Variants in NFKB1 observed in about 807,000 individuals in gnomAD.
NFKB1 encodes nuclear factor NF-kappa-B p105 subunit.
Under a neutral mutation model 105.1 loss-of-function variants are expected in NFKB1, and 9 were observed. The ratio of observed to expected loss-of-function variants is 0.09; its 90% CI spans 0.05 to 0.15. The LOEUF (loss-of-function observed/expected upper bound fraction) is 0.15, where lower values mean the gene tolerates loss of function less well. Among genes scored for constraint, NFKB1 ranks in the 10% least tolerant of loss-of-function variants. The pLI is 1.00. For synonymous variants in NFKB1, 440 were observed against 442.2 expected (o/e 1.00, Z 0.06); for missense variants, 830 against 1,203.7 (o/e 0.69, Z 4.59).
At chr4:102,585,616 C>T (rs1725647296) in intron 11 of NFKB1, among the ~76,000 whole-genome samples, 2 of 152,142 alleles carry the variant, frequency 1.3e-5, no homozygotes, top group African/African-American at 2.4e-5. Flanking sequence ...AAAGGGCACT[C>T]ATAGGTTTCT....
chr4:102,503,197 T>A (rs950229295), intron 1 of NFKB1, among the ~76,000 whole-genome samples: 1 of 152,282 alleles, frequency 6.6e-6, no homozygotes, highest in South Asian at 2.1e-4. Flanking sequence ...AATAAAAAGA[T>A]TTGTTTCCTG....
intron 5 of NFKB1, chr4:102,557,282 A>G (rs1351201766): frequency 6.6e-6 from 1 of 152,176 alleles, no homozygotes; most frequent in African/African-American, 2.4e-5. Flanking sequence ...TAGACACTTT[A>G]CCTCCTTTAA....
At position 102,597,525 on chromosome 4, in the gene NFKB1, C is replaced by A. The variant is rs757317367; in HGVS notation, c.1501C>A (p.Leu501Ile). The change falls in exon 15 of 24, where the codon CTC becomes ATC. Residue 501 changes from leucine (L) to isoleucine (I), a missense_variant. Physicochemically the swap from Leu to Ile is conservative, Grantham distance 5. Around this residue, in one of 8 missense-constraint regions of NFKB1, gnomAD observed 163 missense variants for 164.3 expected, o/e 0.99. Coordinates refer to ENST00000226574, the MANE Select transcript of NFKB1 (RefSeq NM_003998.4). ...TTGTGGTCATTGCCTTACAGATAAC[C>A]TCTTTCTAGAGAAGGCTATGCAGCT... Reference protein sequence around the residue: ...KEESAGVQDNLFLEKAMQLAK... With the variant: ...KEESAGVQDNIFLEKAMQLAK... The A allele has an allele frequency of 6.2e-7, 1 of 1,610,434 alleles. No homozygotes were observed. The highest frequency in any genetic ancestry group is 8.5e-7 in the Non-Finnish European group (1 of 1,177,824).
intron 19 of NFKB1, among the ~76,000 whole-genome samples, chr4:102,608,573 T>G (rs1728047961): frequency 6.6e-6 from 1 of 152,186 alleles, no homozygotes; most frequent in Non-Finnish European, 1.5e-5. Context: ...GAATCTCCAG[T>G]GCCTTGCATA....
At chr4:102,595,792 T>C (rs191347764) in intron 13 of NFKB1, among the ~76,000 whole-genome samples, 1 of 152,368 alleles carries the variant, frequency 6.6e-6, no homozygotes, top group African/African-American at 2.4e-5. Flanking sequence ...ATTTGCTTTG[T>C]TCATTAGCAT....
At chr4:102,613,285 C>A (rs1728605489) in intron 22 of NFKB1, 140 bp from the exon 23 acceptor site, 1 of 797,396 alleles carries the variant, frequency 1.3e-6, no homozygotes, top group Non-Finnish European at 2.0e-6. Context: ...CTTAGTCGCT[C>A]TTCTCTGCCC....
chr4:102,578,031 A>C, intron 7 of NFKB1: 2 of 978,468 alleles, frequency 2.0e-6, no homozygotes, highest in Admixed American at 1.2e-4. Flanking sequence ...TTTCCAATCT[A>C]TTTCCCGTTT....
chr4:102,566,914 G>A, intron 5 of NFKB1, 73 bp from the exon 6 acceptor site: 1 of 1,500,754 alleles, frequency 6.7e-7, no homozygotes, highest in African/African-American at 1.4e-5. Context: ...ATACTTACTG[G>A]CTTATCATAA....
chr4:102,537,940 C>G lies in NFKB1; in HGVS notation c.242C>G (p.Ser81Cys), dbSNP rs1300115442. 15 of 1,607,064 alleles carry G rather than the reference C, an allele frequency of 9.3e-6. No homozygotes were observed. The highest frequency in any genetic ancestry group is 1.3e-5 in the Non-Finnish European group (15 of 1,173,884). Residue 81 changes from serine to cysteine, a missense_variant, in exon 5 of 24, where the codon TCT (serine) becomes TGT (cysteine). Transcript: ENST00000226574. The stretch of plus-strand genomic sequence containing the variant: ...GCCTCTAGTGAAAAGAACAAGAAGT[C>G]TTACCCTCAGGTCAAAGTAAGTTTG... ...PGASSEKNKK[S>C]YPQVKICNYV... is the part of the protein sequence containing the mutation.
chr4:102,573,641 C>G (rs548492796), intron 6 of NFKB1, among the ~76,000 whole-genome samples: 22 of 151,774 alleles, frequency 1.4e-4, no homozygotes, highest in African/African-American at 4.4e-4. Context: ...CTGTCCACTC[C>G]TCTTCATCTT....
At chr4:102,502,392 A>ACACGCACACG (rs1560622467) in intron 1 of NFKB1, among the ~76,000 whole-genome samples, 15 of 40,672 alleles carry the variant, frequency 3.7e-4, no homozygotes, top group Non-Finnish European at 5.7e-4. Flanking sequence ...GCGCGCGCGC[A>ACACGCACACG]CACACACACA....
chr4:102,611,494 T>C (rs530153644), intron 20 of NFKB1, among the ~76,000 whole-genome samples: 1 of 152,344 alleles, frequency 6.6e-6, no homozygotes, highest in South Asian at 2.1e-4. Flanking sequence ...ACACCACAAA[T>C]GCCTCGGCAG....
intron 5 of NFKB1, among the ~76,000 whole-genome samples, chr4:102,557,847 A>G (rs780973000): frequency 9.9e-5 from 15 of 152,100 alleles, no homozygotes; most frequent in Admixed American, 2.0e-4. Context: ...ACTTTCTCAC[A>G]GCTGGCAGAA....
chr4:102,611,528 C>T lies in NFKB1; in HGVS notation c.2353-516C>T, dbSNP rs914520727. Among the ~76,000 whole-genome samples, 7 of 152,174 alleles carry T rather than the reference C, an allele frequency of 4.6e-5. No individual in the cohort carries two copies. In the South Asian group the frequency reaches 6.2e-4, roughly 14 times the overall value. ...AGCTACAGAATAATTTTTCTTTTAG[C>T]CTAAGACAATTCTGGACCCTCAGTT... is the stretch of plus-strand genomic sequence containing the variant. On this transcript the variant is annotated intron_variant, in intron 20 of 23. Coordinates refer to ENST00000226574, the MANE Select transcript of NFKB1 (RefSeq NM_003998.4).
rs751103292 is a variant in NFKB1 at position 102,594,851 on chromosome 4, A to G, written c.1211-41A>G. ...CTAAGTTGTGCTGAGTCTTTGTAAA[A>G]TATCTTCATGATGTTTCATTTGTTT... On this transcript the variant is annotated intron_variant, in intron 12 of 23. Coordinates refer to ENST00000226574, the MANE Select transcript of NFKB1 (RefSeq NM_003998.4). 9.0e-6 allele frequency: 13 copies of G among 1,440,868 alleles called. No individual in the cohort carries two copies. In the South Asian group the frequency reaches 1.2e-4, roughly 13 times the overall value. 89.3% of individuals were successfully genotyped at this position (1,440,868 alleles called of 1,614,324 possible).
intron 1 of NFKB1, among the ~76,000 whole-genome samples, chr4:102,522,098 T>G (rs1329163304): frequency 6.6e-6 from 1 of 152,122 alleles, no homozygotes; most frequent in African/African-American, 2.4e-5. Context: ...GGGGAAGGGC[T>G]GGGGGAACAG....
intron 1 of NFKB1, among the ~76,000 whole-genome samples, chr4:102,511,266 A>G (rs549679110): frequency 6.6e-6 from 1 of 152,368 alleles, no homozygotes; most frequent in South Asian, 2.1e-4. Context: ...TTATTTGAAT[A>G]TATGTTGAGT....
intron 15 of NFKB1, among the ~76,000 whole-genome samples, chr4:102,600,186 G>A (rs1011653428): frequency 6.6e-6 from 1 of 152,210 alleles, no homozygotes. Flanking sequence ...GAGGATGTCA[G>A]GTTTGAACTG....
At chr4:102,540,034 G>C (rs557085594) in intron 5 of NFKB1, among the ~76,000 whole-genome samples, 5 of 152,180 alleles carry the variant, frequency 3.3e-5, no homozygotes, top group Non-Finnish European at 7.4e-5. Context: ...TAAATATTGT[G>C]CCTTTATGTA....
Sources: allele counts gnomAD v4.1 joint callset (sites outside exome capture counted in the v4.1 genomes callset), GRCh38; gene constraint gnomAD v4.1.1; regional missense constraint gnomAD v4.1.1; transcripts MANE v1.5; gene names NCBI Gene and HGNC (gene_info 2026-07-23, HGNC 2026-07-21).